STIP1: variants seen among roughly 807,000 people sequenced by gnomAD.
STIP1 encodes stress-induced-phosphoprotein 1.
A neutral mutation model predicts 77.4 loss-of-function variants in STIP1; 16 were observed. The ratio of observed to expected loss-of-function variants is 0.21; its 90% CI spans 0.14 to 0.31. The LOEUF is 0.31. Among genes scored for constraint, STIP1 ranks in the 10% least tolerant of loss-of-function variants. STIP1 has a pLI of 1.00. For synonymous variants in STIP1, 258 were observed against 246.6 expected, an observed-to-expected ratio of 1.05 and a Z score of -0.44; for missense variants, 524 against 684.8, an observed-to-expected ratio of 0.77 and a Z score of 2.62.
At chr11:64,198,916 A>G (rs915749419) in intron 8 of STIP1, among the ~76,000 whole-genome samples, 1 of 152,108 alleles carries the variant, frequency 6.6e-6, no homozygotes. Flanking sequence ...CTTGCCAGCA[A>G]TAGCCGGGTG....
At chr11:64,187,498 G>A (rs2701527) in intron 1 of STIP1, among the ~76,000 whole-genome samples, 1,890 of 152,174 alleles carry the variant, frequency 0.012, 42 homozygotes, top group African/African-American at 0.043. Flanking sequence ...CCTTTTTTTG[G>A]TGTGAGCTAC....
chr11:64,195,913 T>C (rs1946145191), intron 5 of STIP1, 100 bp downstream of exon 5: 5 of 1,529,544 alleles, frequency 3.3e-6, no homozygotes, highest in Non-Finnish European at 3.6e-6. Context: ...CCATGATTAT[T>C]ATGGTTTTTT....
At chr11:64,203,379 A>G (rs1946242969) in intron 12 of STIP1, 71 bp from the exon 13 acceptor site, 13 of 1,603,174 alleles carry the variant, frequency 8.1e-6, no homozygotes, top group South Asian at 3.3e-5. Context: ...TACCTCTGTT[A>G]TCTTGGACCT....
chr11:64,191,174 T>G (rs1946088332), intron 1 of STIP1, among the ~76,000 whole-genome samples: 3 of 116,972 alleles, frequency 2.6e-5, no homozygotes, highest in Admixed American at 9.8e-5. Flanking sequence ...GCAACCAGAG[T>G]GAAACTCTGT....
intron 7 of STIP1, 83 bp downstream of exon 7, chr11:64,197,678 G>T: frequency 6.4e-7 from 1 of 1,569,912 alleles, no homozygotes; most frequent in Non-Finnish European, 8.8e-7. Context: ...GGGGAGGAGG[G>T]CTGCTGGCCA....
At chr11:64,194,366 A>G (rs1946124941) in intron 3 of STIP1, 36 bp downstream of exon 3, 1 of 1,611,654 alleles carries the variant, frequency 6.2e-7, no homozygotes, top group Non-Finnish European at 8.5e-7. Context: ...CTTATTATTA[A>G]TGTGATTAAT....
Position 64,193,129 on chromosome 11 carries a change from GATGATGC to G in STIP1, c.62_68del (p.Asp21AlafsTer45). 1 of 1,614,160 alleles carries G rather than the reference GATGATGC, an allele frequency of 6.2e-7. No individual in the cohort carries two copies. The highest frequency in any genetic ancestry group is 8.5e-7 in the Non-Finnish European group (1 of 1,180,026). On this transcript the variant is annotated frameshift_variant, in exon 2 of 14. Transcript: ENST00000305218. LOFTEE classifies it high-confidence loss of function. ...CAAGGCCCTGAGCGTGGGTAACATC[GATGATGC>G]CTTACAGTGCTACTCCGAAGCTATT...
chr11:64,194,140 A>G (rs1946121683), intron 2 of STIP1, 49 bp from the exon 3 acceptor site: 2 of 1,574,386 alleles, frequency 1.3e-6, no homozygotes, highest in African/African-American at 1.4e-5. Context: ...CGTCTTCTAG[A>G]TTTACCTCTG....
upstream of STIP1, chr11:64,186,087 C>A: frequency 6.5e-7 from 1 of 1,549,692 alleles, no homozygotes; most frequent in Non-Finnish European, 8.7e-7. Flanking sequence ...GACCTCAAGC[C>A]AATAGTAGAG....
intron 2 of STIP1, 56 bp from the exon 3 acceptor site, chr11:64,194,133 C>G: frequency 6.4e-7 from 1 of 1,565,510 alleles, no homozygotes; most frequent in Non-Finnish European, 8.6e-7. Context: ...TTGAGTTCGT[C>G]TTCTAGATTT....
At chr11:64,192,975 C>G in intron 1 of STIP1, 103 bp from the exon 2 acceptor site, 1 of 1,082,858 alleles carries the variant, frequency 9.2e-7, no homozygotes, top group Non-Finnish European at 1.4e-6. Context: ...TGTAAAGTCA[C>G]CTATTTATTT....
intron 10 of STIP1, 38 bp downstream of exon 10, chr11:64,200,331 T>A: frequency 1.3e-6 from 2 of 1,580,050 alleles, no homozygotes; most frequent in Middle Eastern, 1.7e-4. Context: ...ACTGAAAGCC[T>A]GCACATGAGG....
In STIP1 at chr11:64,195,024, G is replaced by A. The variant is rs1048424615; in HGVS notation, c.503+404G>A. On this transcript the variant is annotated intron_variant, in intron 4 of 13. Coordinates refer to ENST00000305218, the MANE Select transcript of STIP1 (RefSeq NM_006819.3). ...TCCTCTGGCTCCTGAGATCAGCTAC[G>A]GAAGTATACCTAAAACAACTCATTC... 2.0e-4 allele frequency among the ~76,000 whole-genome samples: 30 copies of A among 152,124 alleles called. 1 individual carries two copies. The highest frequency in any genetic ancestry group is 1.3e-4 in the Non-Finnish European group (9 of 68,024).
At chr11:64,202,598 C>A in intron 10 of STIP1, 1 of 455,060 alleles carries the variant, frequency 2.2e-6, no homozygotes, top group Non-Finnish European at 4.0e-6. Context: ...GCTCTCAGGA[C>A]CAAGGCCCAC....
intron 2 of STIP1, among the ~76,000 whole-genome samples, chr11:64,193,610 C>T (rs977691024): frequency 6.6e-6 from 1 of 152,048 alleles, no homozygotes; most frequent in Non-Finnish European, 1.5e-5. Context: ...ATGGTGAAAC[C>T]CTGTCTGTAC....
At chr11:64,194,003 C>T (rs752079702) in intron 2 of STIP1, among the ~76,000 whole-genome samples, 186 bp from the exon 3 acceptor site, 9 of 152,218 alleles carry the variant, frequency 5.9e-5, no homozygotes, top group Non-Finnish European at 1.2e-4. Context: ...TGTGCCTCTG[C>T]TATTTGGATG....
At chr11:64,191,291 AGAGT>A (rs1337265471) in intron 1 of STIP1, among the ~76,000 whole-genome samples, 20 of 151,896 alleles carry the variant, frequency 1.3e-4, no homozygotes, top group African/African-American at 4.6e-4. Context: ...GGCTGGTAAC[AGAGT>A]GAGATGCCAT....
intron 1 of STIP1, among the ~76,000 whole-genome samples, chr11:64,192,482 C>A (rs1946103673): frequency 6.6e-6 from 1 of 152,154 alleles, no homozygotes; most frequent in Non-Finnish European, 1.5e-5. Context: ...TGACTGTTAC[C>A]CATTAATGAA....
chr11:64,194,998 A>G (rs947747536), intron 4 of STIP1, among the ~76,000 whole-genome samples: 8 of 152,154 alleles, frequency 5.3e-5, no homozygotes, highest in African/African-American at 1.7e-4. Context: ...ATCTCTATCA[A>G]TCCTCTGGCT....
Sources: gnomAD v4.1 joint callset for allele counts (sites outside exome capture counted in the v4.1 genomes callset) on GRCh38, gnomAD v4.1.1 for gene constraint, MANE v1.5 for transcripts, NCBI Gene and HGNC (gene_info 2026-07-23, HGNC 2026-07-21) for gene names.